TXLNG: variants seen among roughly 807,000 people sequenced by gnomAD.
TXLNG encodes taxilin gamma.
Under a neutral mutation model 38.8 loss-of-function variants are expected in TXLNG, and 5 were observed. That is an observed-to-expected ratio of 0.13 (90% CI 0.07 to 0.27). The LOEUF is 0.27. TXLNG is among the 10% of genes least tolerant of loss of function. TXLNG has a pLI of 1.00. For missense variants in TXLNG, 393 were observed against 398.2 expected, an observed-to-expected ratio of 0.99 and a Z score of 0.11; for synonymous variants, 182 against 158.2, an observed-to-expected ratio of 1.15 and a Z score of -1.13.
chrX:16,817,106 A>G (rs1364848890), intron 1 of TXLNG, among the ~76,000 whole-genome samples: 2 of 112,180 alleles, frequency 1.8e-5, no homozygotes, highest in African/African-American at 6.5e-5. Flanking sequence ...AAACTCATCT[A>G]TGTGGTTGCA....
chrX:16,789,907 G>A (rs766703702), intron 1 of TXLNG, among the ~76,000 whole-genome samples: 105 of 109,536 alleles, frequency 9.6e-4, no homozygotes, highest in African/African-American at 3.0e-3. Flanking sequence ...CAATTCTCCT[G>A]CCTCAGCCTC....
chrX:16,809,810 A>G (rs1443469505), intron 1 of TXLNG, among the ~76,000 whole-genome samples: 1 of 111,858 alleles, frequency 8.9e-6, no homozygotes, highest in Non-Finnish European at 1.9e-5. Context: ...ATACATATAT[A>G]TAGTGCGTAT....
intron 1 of TXLNG, among the ~76,000 whole-genome samples, chrX:16,798,115 G>A (rs1025691190): frequency 4.5e-5 from 5 of 111,995 alleles, no homozygotes; most frequent in African/African-American, 1.6e-4. Context: ...GTGTCAAATG[G>A]GTCTCTTTTC....
At chrX:16,834,404 G>A (rs1929520263) in intron 7 of TXLNG, 47 bp downstream of exon 7, 1 of 1,097,624 alleles carries the variant, frequency 9.1e-7, no homozygotes, top group African/African-American at 1.8e-5. Flanking sequence ...AAAATCTGTG[G>A]TTCCTTTGAT....
rs1929635770 is a variant in TXLNG, at chrX:16,837,504, A to G, written c.1060-89A>G. ...TTTGTTCGTATTTCTATCACTTGTA[A>G]TAAGTAACCATACTACGTTCTTTTG... On this transcript the variant is annotated intron_variant, in intron 7 of 9. Transcript: ENST00000380122. The G allele has an allele frequency of 8.4e-6, 5 of 595,205 alleles. No individual in the cohort carries two copies. In the Admixed American group the frequency reaches 1.5e-4, roughly 18 times the overall value. 49.1% of individuals were successfully genotyped at this position (595,205 alleles called of 1,213,427 possible).
Position 16,841,868 on chromosome X carries a change from AC to A in TXLNG, c.*104del. ...TGGTGAAAATTTTCTTACTTTTTCT[AC>A]CATATCTGTATTTTCTTAGAACTAC... On this transcript the variant is annotated 3_prime_UTR_variant, in exon 10 of 10. Transcript: ENST00000380122. 1.1e-6 allele frequency: 1 copy of A among 913,960 alleles called. No homozygotes were observed. The highest frequency in any genetic ancestry group is 1.5e-6 in the Non-Finnish European group (1 of 659,794). 75.3% of individuals were successfully genotyped at this position (913,960 alleles called of 1,213,427 possible). A position where few individuals can be genotyped will look rare whatever the true frequency, so the allele number is the denominator to read the frequency against.
At chrX:16,809,063 A>G (rs993227890) in intron 1 of TXLNG, among the ~76,000 whole-genome samples, 3 of 111,566 alleles carry the variant, frequency 2.7e-5, no homozygotes, top group Non-Finnish European at 5.6e-5. Flanking sequence ...TCAGTTATCC[A>G]TTTATCTGTC....
intron 1 of TXLNG, among the ~76,000 whole-genome samples, chrX:16,797,482 C>T (rs1927932442): frequency 8.9e-6 from 1 of 111,758 alleles, no homozygotes; most frequent in Admixed American, 9.6e-5. Flanking sequence ...GAAAGATCCA[C>T]TTCCCAGCTC....
At chrX:16,835,078 TA>T (rs998731218) in intron 7 of TXLNG, among the ~76,000 whole-genome samples, 112 of 95,754 alleles carry the variant, frequency 1.2e-3, no homozygotes, top group Admixed American at 1.1e-3. Flanking sequence ...GTTAGCTCCT[TA>T]AAAAAAAAAA....
intron 1 of TXLNG, among the ~76,000 whole-genome samples, chrX:16,802,637 C>T (rs1483832836): frequency 9.0e-6 from 1 of 111,120 alleles, no homozygotes; most frequent in Non-Finnish European, 1.9e-5. Context: ...GTATGACCTC[C>T]TGCTGTGTTC....
intron 9 of TXLNG, 122 bp from the exon 10 acceptor site, chrX:16,841,306 A>C: frequency 1.8e-6 from 1 of 553,080 alleles, no homozygotes; most frequent in Non-Finnish European, 2.9e-6. Context: ...GAATGTTAGG[A>C]GGCTGAAGAG....
rs3833411 is a variant in TXLNG at position 16,842,150 on chromosome X, G to GC, written c.*395dup. The GC allele has an allele frequency of 0.04, 3,831 of 96,372 alleles. 146 individuals are homozygous for GC. Among genetic ancestry groups the GC allele is most frequent in the East Asian group, 0.11 (326 of 2,990 alleles). 7.9% of individuals were successfully genotyped at this position (96,372 alleles called of 1,213,427 possible). A position where few individuals can be genotyped will look rare whatever the true frequency, so the allele number is the denominator to read the frequency against. ...AAACAATATTAATTTAAACGTCTTAGCCCCCCCCCCCATAATATTATTCAG... is the reference window on the plus strand; with the variant it reads ...AAACAATATTAATTTAAACGTCTTAGCCCCCCCCCCCCATAATATTATTCAG... On this transcript the variant is annotated 3_prime_UTR_variant, in exon 10 of 10. Transcript: ENST00000380122.
chrX:16,835,407 G>T (rs950391300), intron 7 of TXLNG, among the ~76,000 whole-genome samples: 3 of 111,569 alleles, frequency 2.7e-5, no homozygotes, highest in African/African-American at 9.8e-5. Flanking sequence ...CAGATATGAG[G>T]AATCTTTGGA....
chrX:16,805,235 G>A (rs1928295535), intron 1 of TXLNG, among the ~76,000 whole-genome samples: 1 of 107,715 alleles, frequency 9.3e-6, no homozygotes, highest in Non-Finnish European at 1.9e-5. Flanking sequence ...CTCCTACCTC[G>A]GCCTTGCATA....
Position 16,829,613 on chromosome X carries a change from G to A in TXLNG, c.707G>A (p.Arg236Gln). ...CAGCAGGCACGAGAGGAAGAAGAAC[G>A]ACGTAAAGAAGCAACTGCACATTTC... ...NMQQAREEEERRKEATAHFQI... is the reference protein window; with the variant it reads ...NMQQAREEEEQRKEATAHFQI... Residue 236 changes from arginine to glutamine, a missense_variant, in exon 5 of 10, where the codon CGA (arginine) becomes CAA (glutamine). Physicochemically the swap from Arg to Gln is conservative, Grantham distance 43 (BLOSUM62 1). Transcript: ENST00000380122. 1.7e-6 allele frequency: 2 copies of A among 1,211,500 alleles called. No individual in the cohort carries two copies. The highest frequency in any genetic ancestry group is 3.0e-5 in the East Asian group (1 of 33,842).
chrX:16,813,029 A>G (rs1182273480), intron 1 of TXLNG, among the ~76,000 whole-genome samples: 1 of 110,842 alleles, frequency 9.0e-6, no homozygotes, highest in Non-Finnish European at 1.9e-5. Context: ...TGAGGTAACC[A>G]TGAAGTCATC....
Position 16,792,967 on chromosome X carries a change from C to A in TXLNG, c.102+6378C>A, listed in dbSNP as rs773832647. On this transcript the variant is annotated intron_variant, in intron 1 of 9. Transcript: ENST00000380122. Reference sequence around the variant, plus strand: ...CAAAAATTAGCTGGGCATGGTGATGCATGCCTGTAATCCCAGCTACTCGGG... The same window carrying A: ...CAAAAATTAGCTGGGCATGGTGATGAATGCCTGTAATCCCAGCTACTCGGG... 5.7e-3 allele frequency among the ~76,000 whole-genome samples: 618 copies of A among 107,557 alleles called. 2 individuals carry two copies. The highest frequency in any genetic ancestry group is 9.1e-3 in the Non-Finnish European group (473 of 52,092). The allele number at this position is 107,557 out of a possible 115,157, so 93.4% of individuals were successfully genotyped here.
At chrX:16,822,698 A>T (rs1193619155) in intron 3 of TXLNG, among the ~76,000 whole-genome samples, 1 of 112,345 alleles carries the variant, frequency 8.9e-6, no homozygotes, top group African/African-American at 3.2e-5. Context: ...AGCAGTGTCG[A>T]AGGTTAGCTA....
intron 1 of TXLNG, among the ~76,000 whole-genome samples, chrX:16,807,136 C>A (rs1247775334): frequency 9.0e-6 from 1 of 110,735 alleles, no homozygotes; most frequent in Non-Finnish European, 1.9e-5. Context: ...CAAACTAACT[C>A]CAATTCCTTA....
Sources: allele counts gnomAD v4.1 joint callset (sites outside exome capture counted in the v4.1 genomes callset), GRCh38; gene constraint gnomAD v4.1.1; transcripts MANE v1.5; gene names NCBI Gene and HGNC (gene_info 2026-07-23, HGNC 2026-07-21).